ZNF385D: variants seen among roughly 807,000 people sequenced by gnomAD.
ZNF385D encodes the protein zinc finger protein 385D.
In ZNF385D, 15 loss-of-function variants were observed where a neutral mutation model predicts 35.8. The observed-to-expected ratio is 0.42, with a 90% CI of 0.28 to 0.64. The LOEUF (loss-of-function observed/expected upper bound fraction) is 0.64. ZNF385D is among the 30% of genes least tolerant of loss of function. The pLI, the probability that ZNF385D is intolerant of heterozygous loss-of-function variation, is 0.23. For missense variants in ZNF385D, 474 were observed against 494.6 expected (o/e 0.96, Z 0.39); for synonymous variants, 212 against 186.8 (o/e 1.13, Z -1.10).
intron 3 of ZNF385D, among the ~76,000 whole-genome samples, chr3:22,048,405 T>C (rs1246818261): frequency 6.6e-6 from 1 of 152,148 alleles, no homozygotes; most frequent in African/African-American, 2.4e-5. Flanking sequence ...TTTGATCCAT[T>C]TGAGTTGATT....
intron 3 of ZNF385D, among the ~76,000 whole-genome samples, chr3:22,078,853 GCATA>G (rs1010116324): frequency 6.6e-6 from 1 of 152,096 alleles, no homozygotes; most frequent in African/African-American, 2.4e-5. Context: ...ATAATACTGT[GCATA>G]CAGACTCTTA....
intron 1 of ZNF385D, among the ~76,000 whole-genome samples, chr3:21,738,841 T>C (rs1559569673): frequency 6.6e-6 from 1 of 152,208 alleles, no homozygotes; most frequent in Admixed American, 6.5e-5. Flanking sequence ...CTTTCTGCAA[T>C]TGCATTTTAT....
intron 2 of ZNF385D, among the ~76,000 whole-genome samples, chr3:22,231,001 A>T (rs1698855780): frequency 6.6e-6 from 1 of 151,924 alleles, no homozygotes; most frequent in South Asian, 2.1e-4. Flanking sequence ...TCTCTTGGAT[A>T]TACATTTTAT....
At chr3:21,623,257 A>G (rs1333839684) in intron 2 of ZNF385D, among the ~76,000 whole-genome samples, 1 of 152,152 alleles carries the variant, frequency 6.6e-6, no homozygotes, top group East Asian at 1.9e-4. Flanking sequence ...TAATTGATAC[A>G]AGCTCCTATT....
chr3:22,131,766 G>T (rs927807065), intron 3 of ZNF385D, among the ~76,000 whole-genome samples: 1 of 152,148 alleles, frequency 6.6e-6, no homozygotes, highest in East Asian at 1.9e-4. Context: ...TACTTTTATA[G>T]TCAGAGTTAT....
chr3:21,584,477 A>C (rs763207153), intron 2 of ZNF385D, among the ~76,000 whole-genome samples: 1 of 152,022 alleles, frequency 6.6e-6, no homozygotes, highest in Non-Finnish European at 1.5e-5. Flanking sequence ...TTTACACTTG[A>C]TCTTAGCCAA....
chr3:22,191,972 T>A (rs1696069178), intron 2 of ZNF385D, among the ~76,000 whole-genome samples: 2 of 152,202 alleles, frequency 1.3e-5, no homozygotes, highest in South Asian at 2.1e-4. Flanking sequence ...TAACTCTGTC[T>A]TGTTTAGGAA....
chr3:21,846,966 A>G (rs1229722566), intron 3 of ZNF385D, among the ~76,000 whole-genome samples: 1 of 152,052 alleles, frequency 6.6e-6, no homozygotes, highest in Non-Finnish European at 1.5e-5. Context: ...TAAAAAGGTC[A>G]TGTAACTAGT....
intron 2 of ZNF385D, among the ~76,000 whole-genome samples, chr3:22,333,755 A>G (rs1215601211): frequency 6.6e-6 from 1 of 152,116 alleles, no homozygotes; most frequent in East Asian, 1.9e-4. Flanking sequence ...GCACTCCTCC[A>G]CCCTAGACTA....
chr3:22,330,854 G>T (rs1258662430), intron 2 of ZNF385D, among the ~76,000 whole-genome samples: 1 of 152,188 alleles, frequency 6.6e-6, no homozygotes, highest in African/African-American at 2.4e-5. Flanking sequence ...AACCCTGCAG[G>T]TTCCAAAATC....
intron 3 of ZNF385D, among the ~76,000 whole-genome samples, chr3:21,813,913 A>T (rs1489771573): frequency 6.6e-6 from 1 of 152,170 alleles, no homozygotes; most frequent in Non-Finnish European, 1.5e-5. Flanking sequence ...GATTCACCAA[A>T]GTTGAAATGA....
intron 4 of ZNF385D, among the ~76,000 whole-genome samples, chr3:21,463,285 C>T (rs907771530): frequency 3.3e-5 from 5 of 151,832 alleles, no homozygotes; most frequent in Non-Finnish European, 5.9e-5. Context: ...AAAAAAAATA[C>T]GTTGAATATA....
chr3:21,780,153 A>G (rs566952734), intron 3 of ZNF385D, among the ~76,000 whole-genome samples: 4 of 152,114 alleles, frequency 2.6e-5, no homozygotes, highest in Admixed American at 2.6e-4. Flanking sequence ...AATAGTAGGA[A>G]TATCAACAAA....
intron 4 of ZNF385D, among the ~76,000 whole-genome samples, chr3:21,503,118 T>C (rs902447399): frequency 1.3e-5 from 2 of 152,100 alleles, no homozygotes; most frequent in Non-Finnish European, 2.9e-5. Flanking sequence ...TCAACAGAGG[T>C]ATAGATTCAT....
intron 3 of ZNF385D, among the ~76,000 whole-genome samples, chr3:21,941,411 GAAGC>G (rs1701508439): frequency 1.3e-5 from 2 of 151,196 alleles, no homozygotes; most frequent in South Asian, 2.1e-4. Flanking sequence ...TGAAATAAGT[GAAGC>G]AAACAATGAT....
chr3:21,536,936 C>G (rs1396527685), intron 3 of ZNF385D, among the ~76,000 whole-genome samples: 1 of 151,718 alleles, frequency 6.6e-6, no homozygotes, highest in Non-Finnish European at 1.5e-5. Context: ...AAAGAGTGAG[C>G]CTGGTGCACT....
chr3:22,277,675 C>G lies in ZNF385D; in HGVS notation c.106+94775G>C, dbSNP rs1395737994. 2.0e-5 allele frequency among the ~76,000 whole-genome samples: 3 copies of G among 152,114 alleles called. No individual in the cohort carries two copies. The East Asian group carries it at 5.8e-4, about 29-fold the overall frequency. ...AATAAAAGTATTAACAAAGTTAGCA[C>G]AAATGTTTTTTACAATTATTAGAAG... On this transcript the variant is annotated intron_variant, in intron 2 of 5. Transcript: ENST00000494108.
At chr3:21,754,461 G>T (rs887804049), upstream of ZNF385D, among the ~76,000 whole-genome samples, 11 of 152,226 alleles carry the variant, frequency 7.2e-5, no homozygotes, top group Admixed American at 4.6e-4. Context: ...TTAAAACAAA[G>T]GATGCCTTCA....
intron 1 of ZNF385D, among the ~76,000 whole-genome samples, chr3:21,747,527 GA>G (rs1385973712): frequency 6.6e-6 from 1 of 152,176 alleles, no homozygotes; most frequent in African/African-American, 2.4e-5. Flanking sequence ...CAACCATGGG[GA>G]ATCTGTGTGG....
Sources: gnomAD v4.1 joint callset for allele counts (sites outside exome capture counted in the v4.1 genomes callset) on GRCh38, gnomAD v4.1.1 for gene constraint, MANE v1.5 for transcripts, NCBI Gene and HGNC (gene_info 2026-07-23, HGNC 2026-07-21) for gene names.